CACNA2D3: variants seen among roughly 807,000 people sequenced by gnomAD.
The protein encoded by CACNA2D3 is calcium voltage-gated channel auxiliary subunit alpha2delta 3.
In CACNA2D3, 60 loss-of-function variants were observed where a neutral mutation model predicts 160.6. The ratio of observed to expected loss-of-function variants is 0.37; its 90% CI spans 0.30 to 0.46. The LOEUF is 0.46. Ranked by LOEUF, CACNA2D3 falls within the 20% of genes least tolerant of loss-of-function variation. CACNA2D3 has a pLI of 1.00. For synonymous variants in CACNA2D3, 558 were observed against 492.9 expected, an observed-to-expected ratio of 1.13 and a Z score of -1.75; for missense variants, 1,205 against 1,365.0, an observed-to-expected ratio of 0.88 and a Z score of 1.85.
chr3:54,605,284 T>C (rs992324085), intron 9 of CACNA2D3, among the ~76,000 whole-genome samples: 1 of 152,182 alleles, frequency 6.6e-6, no homozygotes, highest in African/African-American at 2.4e-5. Context: ...GTGTATCTTT[T>C]GTGGGGGACA....
intron 27 of CACNA2D3, among the ~76,000 whole-genome samples, chr3:54,936,132 G>C (rs1015067840): frequency 6.7e-6 from 1 of 150,004 alleles, no homozygotes; most frequent in Non-Finnish European, 1.5e-5. Flanking sequence ...TATGGAAAGG[G>C]TTAAACAGTT....
chr3:54,366,215 G>T (rs980250967), intron 3 of CACNA2D3, among the ~76,000 whole-genome samples: 2 of 152,166 alleles, frequency 1.3e-5, no homozygotes, highest in Non-Finnish European at 2.9e-5. Context: ...TTTGATTAGG[G>T]TGTTGAAGGA....
intron 9 of CACNA2D3, among the ~76,000 whole-genome samples, chr3:54,590,769 C>T (rs896152931): frequency 1.3e-5 from 2 of 151,948 alleles, no homozygotes; most frequent in Non-Finnish European, 2.9e-5. Flanking sequence ...CACACAGTTA[C>T]ATGTGGATCT....
intron 31 of CACNA2D3, among the ~76,000 whole-genome samples, chr3:54,995,895 A>G (rs1702845702): frequency 6.6e-6 from 1 of 152,132 alleles, no homozygotes; most frequent in African/African-American, 2.4e-5. Flanking sequence ...ATGGGGCTGT[A>G]TTCATAACTC....
intron 6 of CACNA2D3, among the ~76,000 whole-genome samples, chr3:54,569,225 C>A (rs1269370377): frequency 6.6e-6 from 1 of 152,212 alleles, no homozygotes; most frequent in Non-Finnish European, 1.5e-5. Flanking sequence ...GAAATTCAAA[C>A]TTTATTATGC....
intron 4 of CACNA2D3, among the ~76,000 whole-genome samples, chr3:54,402,314 T>G (rs571159845): frequency 1.3e-5 from 2 of 152,264 alleles, no homozygotes; most frequent in African/African-American, 4.8e-5. Flanking sequence ...ATGGATTAAA[T>G]TCTCCAACCA....
chr3:54,683,483 A>T (rs757262636), intron 11 of CACNA2D3, among the ~76,000 whole-genome samples: 20 of 152,248 alleles, frequency 1.3e-4, no homozygotes, highest in Non-Finnish European at 2.9e-4. Flanking sequence ...TAGCCCTGTG[A>T]CAGTGGACAA....
chr3:54,463,444 G>C (rs375691997), intron 4 of CACNA2D3, among the ~76,000 whole-genome samples: 21 of 152,266 alleles, frequency 1.4e-4, no homozygotes, highest in East Asian at 3.9e-4. Context: ...TTCACATAGT[G>C]CCATATTTCT....
Position 54,803,957 on chromosome 3 carries a change from G to C in CACNA2D3, c.1381-12896G>C, listed in dbSNP as rs527665612. Among the ~76,000 whole-genome samples, 16 of 152,212 alleles carry C rather than the reference G, an allele frequency of 1.1e-4. No individual in the cohort carries two copies. In the South Asian group the frequency reaches 2.7e-3, roughly 26 times the overall value. On this transcript the variant is annotated intron_variant, in intron 13 of 37. Transcript: ENST00000474759. ...AGAATTTCATATCCAGTCAAACTAA[G>C]CTTCAGAAGTGAAGGAGAAATAAAA...
intron 11 of CACNA2D3, among the ~76,000 whole-genome samples, chr3:54,658,531 T>G (rs550825730): frequency 8.5e-5 from 13 of 152,348 alleles, no homozygotes; most frequent in African/African-American, 3.1e-4. Context: ...GGTTATTTGT[T>G]TGCTATTTTT....
At chr3:54,654,354 G>A (rs1313780810) in intron 11 of CACNA2D3, among the ~76,000 whole-genome samples, 1 of 152,204 alleles carries the variant, frequency 6.6e-6, no homozygotes, top group African/African-American at 2.4e-5. Context: ...ATGTCCAGAA[G>A]TGCCACTCAG....
intron 13 of CACNA2D3, among the ~76,000 whole-genome samples, chr3:54,811,972 A>G (rs1703331433): frequency 6.6e-6 from 1 of 152,258 alleles, no homozygotes; most frequent in South Asian, 2.1e-4. Flanking sequence ...AAGTTAATAT[A>G]GGTAAAGCAC....
rs76307256 is a variant in CACNA2D3 at position 54,125,044 on chromosome 3, A to G, written c.204+1450A>G. ...AATTCTGGACTGTAGCATTGCCTTTATATTTTTCTTATGCTTTTAAAGAAG... is the reference window on the plus strand; with the variant it reads ...AATTCTGGACTGTAGCATTGCCTTTGTATTTTTCTTATGCTTTTAAAGAAG... On this transcript the variant is annotated intron_variant, in intron 2 of 37. Coordinates refer to ENST00000474759, the MANE Select transcript of CACNA2D3 (RefSeq NM_018398.3). Among the ~76,000 whole-genome samples, 779 of 152,252 alleles carry G rather than the reference A, an allele frequency of 5.1e-3. 43 individuals carry two copies. In the East Asian group the frequency reaches 0.12, roughly 24 times the overall value.
At chr3:54,784,413 G>A (rs935824086) in intron 13 of CACNA2D3, among the ~76,000 whole-genome samples, 2 of 152,074 alleles carry the variant, frequency 1.3e-5, no homozygotes, top group African/African-American at 2.4e-5. Flanking sequence ...GATGGGGGCC[G>A]GAAGGAGAAG....
intron 5 of CACNA2D3, among the ~76,000 whole-genome samples, chr3:54,545,185 T>A (rs1702042192): frequency 1.3e-5 from 2 of 152,238 alleles, no homozygotes; most frequent in African/African-American, 4.8e-5. Flanking sequence ...TGAATTAGTT[T>A]ATTTTTTCAA....
chr3:54,972,529 G>A (rs1257301403), intron 29 of CACNA2D3, among the ~76,000 whole-genome samples: 22 of 151,332 alleles, frequency 1.5e-4, no homozygotes, highest in Non-Finnish European at 1.5e-4. Flanking sequence ...ATTAAAAACA[G>A]CTGTGGGGGC....
In CACNA2D3 at chr3:54,696,992, C is replaced by T. The variant is rs564234937; in HGVS notation, c.1167+54751C>T. Reference sequence around the variant, plus strand: ...GGAGCTCTCTTAAAAAAATCAGATTCTTGGCCAGACGCTGTGACTCACGCC... The same window carrying T: ...GGAGCTCTCTTAAAAAAATCAGATTTTTGGCCAGACGCTGTGACTCACGCC... On this transcript the variant is annotated intron_variant, in intron 11 of 37. Transcript: ENST00000474759. 1.3e-3 allele frequency among the ~76,000 whole-genome samples: 191 copies of T among 152,124 alleles called. 1 individual carries two copies. The highest frequency in any genetic ancestry group is 4.3e-3 in the African/African-American group (180 of 41,522).
rs145404071 is a variant in CACNA2D3, at chr3:54,677,526, A to G, written c.1167+35285A>G. On this transcript the variant is annotated intron_variant, in intron 11 of 37. Transcript: ENST00000474759. ...TTTAACATTCCTTTGAAAGCAATGT[A>G]TTGATTATGGATATATAGAGTGAGT... Among the ~76,000 whole-genome samples the G allele has an allele frequency of 5.5e-3, 838 of 151,862 alleles. 3 individuals are homozygous for G. Among genetic ancestry groups the G allele is most frequent in the African/African-American group, 0.019 (784 of 41,354 alleles).
At chr3:54,265,932 A>G (rs758919274) in intron 2 of CACNA2D3, among the ~76,000 whole-genome samples, 6 of 152,190 alleles carry the variant, frequency 3.9e-5, no homozygotes, top group Non-Finnish European at 7.3e-5. Context: ...TCAAAGAGGA[A>G]GGAAAATTTT....
Sources: allele counts gnomAD v4.1 joint callset (sites outside exome capture counted in the v4.1 genomes callset), GRCh38; gene constraint gnomAD v4.1.1; transcripts MANE v1.5; gene names NCBI Gene and HGNC (gene_info 2026-07-23, HGNC 2026-07-21).